USP15: variants seen among roughly 807,000 people sequenced by gnomAD.
The protein encoded by USP15 is ubiquitin carboxyl-terminal hydrolase 15.
Under a neutral mutation model 127.1 loss-of-function variants are expected in USP15, and 18 were observed. That is an observed-to-expected ratio of 0.14 (90% CI 0.10 to 0.21). The LOEUF (loss-of-function observed/expected upper bound fraction) is 0.21, where lower values mean the gene tolerates loss of function less well. USP15 is among the 10% of genes least tolerant of loss of function. The pLI, the probability that USP15 is intolerant of heterozygous loss-of-function variation, is 1.00. For synonymous variants in USP15, 364 were observed against 393.7 expected (o/e 0.92, Z 0.89); for missense variants, 805 against 1,159.9 (o/e 0.69, Z 4.44).
At chr12:62,381,271 C>A (rs960681590) in intron 8 of USP15, among the ~76,000 whole-genome samples, 1 of 151,928 alleles carries the variant, frequency 6.6e-6, no homozygotes, top group Non-Finnish European at 1.5e-5. Context: ...CGGATATTAG[C>A]ATTTTTATTT....
chr12:62,314,314 A>G (rs978456022), intron 3 of USP15, among the ~76,000 whole-genome samples: 3 of 151,926 alleles, frequency 2.0e-5, no homozygotes, highest in Admixed American at 2.0e-4. Flanking sequence ...TTCAAATTGT[A>G]TAAACAACTT....
chr12:62,396,226 G>A, intron 19 of USP15, 69 bp from the exon 20 acceptor site: 3 of 1,239,702 alleles, frequency 2.4e-6, no homozygotes, highest in Non-Finnish European at 2.2e-6. Context: ...AACAACAATG[G>A]CAGAAGGGAA....
intron 19 of USP15, 122 bp from the exon 20 acceptor site, chr12:62,396,159 TATATATATAGATAG>T (rs1422585064): frequency 2.7e-6 from 1 of 373,770 alleles, no homozygotes; most frequent in Non-Finnish European, 4.6e-6. Context: ...GTGAGATATA[TATATATATAGATAG>T]ATATATATAG....
At chr12:62,270,193 C>G (rs2063316132) in intron 1 of USP15, among the ~76,000 whole-genome samples, 1 of 151,988 alleles carries the variant, frequency 6.6e-6, no homozygotes, top group Non-Finnish European at 1.5e-5. Context: ...TGTCCAGATT[C>G]TTTGCCCATT....
At chr12:62,374,130 A>G (rs1366492297) in intron 8 of USP15, among the ~76,000 whole-genome samples, 1 of 152,016 alleles carries the variant, frequency 6.6e-6, no homozygotes, top group Non-Finnish European at 1.5e-5. Flanking sequence ...AAATCCAGAA[A>G]AAAACTGTTT....
chr12:62,336,145 T>C, intron 6 of USP15: 1 of 985,422 alleles, frequency 1.0e-6, no homozygotes, highest in Non-Finnish European at 1.2e-6. Flanking sequence ...ACCTCTTTTA[T>C]CATACCATAG....
chr12:62,294,042 G>C, intron 1 of USP15, 137 bp from the exon 2 acceptor site: 1 of 802,214 alleles, frequency 1.2e-6, no homozygotes, highest in Non-Finnish European at 1.9e-6. Context: ...CTAATACTAA[G>C]GGGCATTACA....
intron 1 of USP15, among the ~76,000 whole-genome samples, chr12:62,270,005 A>G (rs1249485992): frequency 2.6e-5 from 4 of 152,094 alleles, no homozygotes; most frequent in African/African-American, 9.7e-5. Context: ...CCAGCAGTGT[A>G]TGAGGGTTCC....
chr12:62,260,612 G>A (rs1211375160), intron 1 of USP15, 109 bp downstream of exon 1: 1 of 1,081,464 alleles, frequency 9.2e-7, no homozygotes, highest in Non-Finnish European at 1.3e-6. Context: ...AGGTCCGGCG[G>A]CGGCCGCCGG....
intron 8 of USP15, among the ~76,000 whole-genome samples, chr12:62,376,227 C>A (rs1465784496): frequency 6.6e-6 from 1 of 151,886 alleles, no homozygotes; most frequent in East Asian, 1.9e-4. Context: ...ATAAAAATAA[C>A]CTAGTTAATA....
chr12:62,401,277 T>C lies in USP15; in HGVS notation c.2763+2T>C. ...ACTGCATCTGAAGACCAAATTGTGG[T>C]AAGTTTGTCTTATATTTCCTGAGAA... is the stretch of plus-strand genomic sequence containing the variant. On this transcript the variant is annotated splice_donor_variant, in intron 21 of 21. Coordinates refer to ENST00000280377, the MANE Select transcript of USP15 (RefSeq NM_001252078.2). LOFTEE classifies it high-confidence loss of function. The C allele has an allele frequency of 6.2e-7, 1 of 1,605,950 alleles. No homozygotes were observed.
chr12:62,328,932 A>G (rs1350069967), intron 6 of USP15, among the ~76,000 whole-genome samples: 1 of 152,036 alleles, frequency 6.6e-6, no homozygotes, highest in Non-Finnish European at 1.5e-5. Flanking sequence ...CTTAAAGAAG[A>G]TGATTATTTA....
rs928193033 is a variant in USP15, at chr12:62,405,442, A to T, written c.*1067A>T. 7 of 152,622 alleles carry T rather than the reference A, an allele frequency of 4.6e-5. No individual in the cohort carries two copies. Among genetic ancestry groups the T allele is most frequent in the Non-Finnish European group, 7.4e-5 (5 of 68,008 alleles). The allele number at this position is 152,622 out of a possible 1,614,324, so 9.5% of individuals were successfully genotyped here. A position where few individuals can be genotyped will look rare whatever the true frequency, so the allele number is the denominator to read the frequency against. ...AGCTTTTCTCAGAAGGTAACTTGTT[A>T]TAAGAGAAATGGCATTTGCATGTTC... On this transcript the variant is annotated 3_prime_UTR_variant, in exon 22 of 22. Transcript: ENST00000280377.
At chr12:62,308,499 T>C (rs1403240854) in intron 3 of USP15, among the ~76,000 whole-genome samples, 1 of 152,088 alleles carries the variant, frequency 6.6e-6, no homozygotes, top group Non-Finnish European at 1.5e-5. Flanking sequence ...CATACCTCCC[T>C]CATCCCCTCC....
rs533703243 is a variant in USP15, at chr12:62,302,672, T to C, written c.218-118T>C. ...ACACCCCTGATGTAAGGGAGCTGAA[T>C]TGCTTTAGAGCTTAAAACTTGTTTT... On this transcript the variant is annotated intron_variant, in intron 2 of 21. Coordinates refer to ENST00000280377, the MANE Select transcript of USP15 (RefSeq NM_001252078.2). 3.6e-6 allele frequency: 4 copies of C among 1,120,106 alleles called. 1 individual carries two copies. In the African/African-American group the frequency reaches 4.7e-5, roughly 13 times the overall value. 69.4% of individuals were successfully genotyped at this position (1,120,106 alleles called of 1,614,324 possible). A position where few individuals can be genotyped will look rare whatever the true frequency, so the allele number is the denominator to read the frequency against.
rs75087425 is a variant in USP15 at position 62,279,740 on chromosome 12, G to A, written c.90-14439G>A. 8.9e-4 allele frequency among the ~76,000 whole-genome samples: 135 copies of A among 152,162 alleles called. 1 individual carries two copies. In the East Asian group the frequency reaches 0.018, roughly 20 times the overall value. On this transcript the variant is annotated intron_variant, in intron 1 of 21. Transcript: ENST00000280377. ...AACACCTTGAAATTTTCAAAAACAA[G>A]CATTAGAAAAGAACCGACTGCATGT... is the stretch of plus-strand genomic sequence containing the variant.
intron 6 of USP15, among the ~76,000 whole-genome samples, chr12:62,343,689 G>T (rs2065720772): frequency 6.6e-6 from 1 of 152,128 alleles, no homozygotes; most frequent in Non-Finnish European, 1.5e-5. Flanking sequence ...GTGAAGCAGT[G>T]CCCCACCCTG....
intron 8 of USP15, among the ~76,000 whole-genome samples, chr12:62,372,670 A>G (rs2066712559): frequency 6.6e-6 from 1 of 152,112 alleles, no homozygotes; most frequent in Non-Finnish European, 1.5e-5. Flanking sequence ...AAGGGACTGA[A>G]CACATACAAA....
intron 1 of USP15, among the ~76,000 whole-genome samples, chr12:62,266,914 A>T (rs899805823): frequency 1.3e-5 from 2 of 152,094 alleles, no homozygotes; most frequent in Non-Finnish European, 1.5e-5. Flanking sequence ...ATCTTTGATG[A>T]TTTCAGAGCT....
Sources: gnomAD v4.1 joint callset for allele counts (sites outside exome capture counted in the v4.1 genomes callset) on GRCh38, gnomAD v4.1.1 for gene constraint, MANE v1.5 for transcripts, NCBI Gene and HGNC (gene_info 2026-07-23, HGNC 2026-07-21) for gene names.